ADGRB3: variants seen among roughly 807,000 people sequenced by gnomAD.
ADGRB3 encodes the protein brain-specific angiogenesis inhibitor 3.
Under a neutral mutation model 193.4 loss-of-function variants are expected in ADGRB3, and 37 were observed. That is an observed-to-expected ratio of 0.19 (90% CI 0.15 to 0.25). The LOEUF is 0.25. Among genes scored for constraint, ADGRB3 ranks in the 10% least tolerant of loss-of-function variants. ADGRB3 has a pLI of 1.00. For synonymous variants in ADGRB3, 690 were observed against 644.2 expected (o/e 1.07, Z -1.08); for missense variants, 1,637 against 1,852.9 (o/e 0.88, Z 2.14).
At chr6:68,934,762 G>A (rs1454672335) in intron 4 of ADGRB3, among the ~76,000 whole-genome samples, 1 of 152,026 alleles carries the variant, frequency 6.6e-6, no homozygotes, top group Non-Finnish European at 1.5e-5. Context: ...TTGGTTTATA[G>A]AATAATGATT....
chr6:69,046,034 T>C (rs1771227300), intron 13 of ADGRB3, among the ~76,000 whole-genome samples: 1 of 152,162 alleles, frequency 6.6e-6, no homozygotes. Context: ...GATTTATGAA[T>C]ATGGTATTAG....
chr6:68,836,955 A>G (rs1303079173), intron 3 of ADGRB3, among the ~76,000 whole-genome samples: 2 of 152,208 alleles, frequency 1.3e-5, no homozygotes, highest in Non-Finnish European at 2.9e-5. Context: ...TATGCCTTCA[A>G]AAAAGTAACC....
Position 69,014,046 on chromosome 6 carries a change from T to C in ADGRB3, c.1938T>C (p.Phe646=). 6.3e-7 allele frequency: 1 copy of C among 1,585,678 alleles called. No individual in the cohort carries two copies. The change falls in exon 12 of 32, where the codon TTT becomes TTC. Residue 646 remains phenylalanine, a synonymous_variant. Transcript: ENST00000370598. ...TCTAATTTAATTTACAGAACTTCTT[T>C]CAAATAGTTAGCAACCTTCTAGATG... The part of the protein sequence containing the change: ...IPASDGVQNF[F]QIVSNLLDEE...
At chr6:69,286,894 A>G (rs1304782612) in intron 20 of ADGRB3, among the ~76,000 whole-genome samples, 1 of 152,226 alleles carries the variant, frequency 6.6e-6, no homozygotes, top group Non-Finnish European at 1.5e-5. Context: ...TTAGTGTTCA[A>G]CTATTGACCT....
At chr6:69,206,044 G>GGT (rs199785305) in intron 17 of ADGRB3, among the ~76,000 whole-genome samples, 6,002 of 43,546 alleles carry the variant, frequency 0.14, 182 homozygotes, top group Middle Eastern at 0.34. Flanking sequence ...ATATAATAAT[G>GGT]GTATATATAT....
At chr6:69,126,210 G>T (rs1773843846) in intron 17 of ADGRB3, among the ~76,000 whole-genome samples, 1 of 85,310 alleles carries the variant, frequency 1.2e-5, no homozygotes, top group Non-Finnish European at 2.7e-5. Flanking sequence ...GGAAATGATT[G>T]ATAGATAGAT....
intron 3 of ADGRB3, among the ~76,000 whole-genome samples, chr6:68,814,561 C>T (rs1302178293): frequency 6.6e-6 from 1 of 152,110 alleles, no homozygotes; most frequent in Non-Finnish European, 1.5e-5. Context: ...AATTAGATCC[C>T]ATTTGTCAAT....
intron 6 of ADGRB3, among the ~76,000 whole-genome samples, chr6:68,946,515 C>T (rs1767779306): frequency 6.6e-6 from 1 of 152,130 alleles, no homozygotes; most frequent in Admixed American, 6.6e-5. Flanking sequence ...CTTGAGGATT[C>T]AGTGGTTTCA....
chr6:69,079,989 G>A (rs1314714104), intron 17 of ADGRB3, among the ~76,000 whole-genome samples: 1 of 152,074 alleles, frequency 6.6e-6, no homozygotes, highest in African/African-American at 2.4e-5. Flanking sequence ...AGTAGCAACA[G>A]TCACATCTTG....
chr6:69,061,902 A>G (rs527786249), intron 15 of ADGRB3, among the ~76,000 whole-genome samples: 10 of 152,102 alleles, frequency 6.6e-5, no homozygotes, highest in African/African-American at 1.7e-4. Context: ...TGGTACTTAC[A>G]TGGTAGTATA....
chr6:69,116,009 C>T (rs1028106518), intron 17 of ADGRB3, among the ~76,000 whole-genome samples: 7 of 152,214 alleles, frequency 4.6e-5, no homozygotes, highest in East Asian at 3.9e-4. Flanking sequence ...AGTAGGCTAT[C>T]GAGCAGGGCA....
Position 69,048,260 on chromosome 6 carries a change from T to G in ADGRB3, c.2183T>G (p.Met728Arg). Residue 728 changes from methionine to arginine, a missense_variant, in exon 14 of 32, where the codon ATG becomes AGG. Physicochemically the swap from Met to Arg is moderately conservative, Grantham distance 91 (BLOSUM62 -1). This residue lies in a region of ADGRB3 where 641 missense variants were observed against 673.9 expected (regional missense o/e 0.95). Coordinates refer to ENST00000370598, the MANE Select transcript of ADGRB3 (RefSeq NM_001704.3). ...INFPMKGRKG[M>R]VDWARNSEDR... ...TTTCCAATGAAAGGACGGAAGGGAA[T>G]GGTTGACTGGGCAAGAAACTCAGAA... 6.2e-7 allele frequency: 1 copy of G among 1,613,654 alleles called. No homozygotes were observed. Among genetic ancestry groups the G allele is most frequent in the Non-Finnish European group, 8.5e-7 (1 of 1,179,720 alleles).
In ADGRB3 at chr6:69,233,426, A is replaced by G. The variant is rs1766194098; in HGVS notation, c.2607+10A>G. The G allele has an allele frequency of 1.9e-6, 3 of 1,613,940 alleles. No individual in the cohort carries two copies. Among genetic ancestry groups the G allele is most frequent in the Non-Finnish European group, 2.5e-6 (3 of 1,179,894 alleles). ...GCAACCTAGAGAAATAGTAAGTAACAAAGGGAAAACACGGCTTTAACGCAA... is the reference window on the plus strand; with the variant it reads ...GCAACCTAGAGAAATAGTAAGTAACGAAGGGAAAACACGGCTTTAACGCAA... On this transcript the variant is annotated intron_variant, in intron 18 of 31. Transcript: ENST00000370598.
chr6:68,952,059 T>C (rs906772428), intron 6 of ADGRB3, among the ~76,000 whole-genome samples: 2 of 152,194 alleles, frequency 1.3e-5, no homozygotes, highest in African/African-American at 4.8e-5. Flanking sequence ...TCTCTACATT[T>C]ATCCCTAAAA....
chr6:68,643,918 C>T (rs1258295266), intron 3 of ADGRB3, among the ~76,000 whole-genome samples: 5 of 144,202 alleles, frequency 3.5e-5, no homozygotes, highest in Non-Finnish European at 7.5e-5. Context: ...GGTGACAGAG[C>T]AAGACTCTAT....
At chr6:69,301,699 A>G (rs994305409) in intron 20 of ADGRB3, among the ~76,000 whole-genome samples, 1 of 151,982 alleles carries the variant, frequency 6.6e-6, no homozygotes, top group Admixed American at 6.6e-5. Flanking sequence ...GTTGCCCACT[A>G]TTTTAAGATA....
At chr6:68,704,889 A>G (rs1196219656) in intron 3 of ADGRB3, among the ~76,000 whole-genome samples, 1 of 152,232 alleles carries the variant, frequency 6.6e-6, no homozygotes, top group Non-Finnish European at 1.5e-5. Flanking sequence ...GCTATATCAC[A>G]AACAATATTT....
In ADGRB3 at chr6:69,137,078, A is replaced by ATTG. The variant is rs1193270145; in HGVS notation, c.2480+61041_2480+61042insTGT. Among the ~76,000 whole-genome samples, 35 of 121,426 alleles carry ATTG rather than the reference A, an allele frequency of 2.9e-4. No individual in the cohort carries two copies. In the South Asian group the frequency reaches 5.8e-3, roughly 20 times the overall value. 79.7% of individuals were successfully genotyped at this position (121,426 alleles called of 152,430 possible). A position where few individuals can be genotyped will look rare whatever the true frequency, so the allele number is the denominator to read the frequency against. On this transcript the variant is annotated intron_variant, in intron 17 of 31. Transcript: ENST00000370598. ...TTTCTTTTTTTTTTTTTTTTTTTTA[A>ATTG]TGGTAAGATCTTTTTGAGCCTCAAA...
At chr6:68,893,081 T>A (rs1327374364) in intron 3 of ADGRB3, among the ~76,000 whole-genome samples, 1 of 152,124 alleles carries the variant, frequency 6.6e-6, no homozygotes. Context: ...TTTTCTGGAA[T>A]TTCAGTAACA....
Sources: allele counts gnomAD v4.1 joint callset (sites outside exome capture counted in the v4.1 genomes callset), GRCh38; gene constraint gnomAD v4.1.1; regional missense constraint gnomAD v4.1.1; transcripts MANE v1.5; gene names NCBI Gene and HGNC (gene_info 2026-07-23, HGNC 2026-07-21).